Variants in AP3S1 observed in about 807,000 individuals in gnomAD.
AP3S1 encodes AP-3 complex subunit sigma-1.
A neutral mutation model predicts 21.3 loss-of-function variants in AP3S1; 12 were observed. The ratio of observed to expected loss-of-function variants is 0.56; its 90% confidence interval spans 0.36 to 0.91. The LOEUF (loss-of-function observed/expected upper bound fraction) is 0.91, where lower values mean the gene tolerates loss of function less well. Ranked by LOEUF, AP3S1 falls within the 40% of genes least tolerant of loss-of-function variation. The pLI, the probability that AP3S1 is intolerant of heterozygous loss-of-function variation, is 0.01. For missense variants in AP3S1, 116 were observed against 225.0 expected (o/e 0.52, Z 3.10); for synonymous variants, 48 against 78.4 (o/e 0.61, Z 2.05).
At chr5:115,845,270 G>A (rs1353854251) in intron 1 of AP3S1, among the ~76,000 whole-genome samples, 1 of 152,170 alleles carries the variant, frequency 6.6e-6, no homozygotes, top group Non-Finnish European at 1.5e-5. Context: ...AACAGTAATC[G>A]TTTAACACTG....
intron 1 of AP3S1, among the ~76,000 whole-genome samples, chr5:115,848,398 T>C (rs1043540289): frequency 6.6e-6 from 1 of 152,222 alleles, no homozygotes; most frequent in African/African-American, 2.4e-5. Context: ...ACATTGTGGC[T>C]TTAAGATAAC....
At position 115,845,117 on chromosome 5, in the gene AP3S1, T is replaced by A. The variant is rs186739159; in HGVS notation, c.69+3011T>A. ...AAAGTAATGATGGCATATGTGTTAC[T>A]CAGCTGTTTCTGTTTTAAGGGGTCT... On this transcript the variant is annotated intron_variant, in intron 1 of 5. Coordinates refer to ENST00000316788, the MANE Select transcript of AP3S1 (RefSeq NM_001284.4). 2.6e-5 allele frequency among the ~76,000 whole-genome samples: 4 copies of A among 152,330 alleles called. 1 individual carries two copies. In the East Asian group the frequency reaches 7.7e-4, roughly 29 times the overall value.
intron 3 of AP3S1, 60 bp from the exon 4 acceptor site, chr5:115,895,027 A>G (rs1357878385): frequency 2.9e-5 from 34 of 1,160,336 alleles, no homozygotes; most frequent in Non-Finnish European, 2.5e-5. Flanking sequence ...TGCCTTCCTT[A>G]TAGATAATAG....
At chr5:115,884,505 G>A (rs1256082304) in intron 3 of AP3S1, among the ~76,000 whole-genome samples, 1 of 152,190 alleles carries the variant, frequency 6.6e-6, no homozygotes, top group African/African-American at 2.4e-5. Flanking sequence ...GGGGAGGGGA[G>A]TGGAGGTTGC....
chr5:115,898,361 ATAAATCTTTACATGC>A (rs1331060253), intron 4 of AP3S1, among the ~76,000 whole-genome samples: 4 of 152,196 alleles, frequency 2.6e-5, no homozygotes, highest in Non-Finnish European at 5.9e-5. Context: ...GTTTCTTTTT[ATAAATCTTTACATGC>A]TAATAACTGT....
chr5:115,866,883 C>G (rs1763664267), intron 2 of AP3S1, 122 bp downstream of exon 2: 1 of 453,654 alleles, frequency 2.2e-6, no homozygotes, highest in East Asian at 3.7e-5. Flanking sequence ...GAATTAATTG[C>G]CACCTATGTT....
intron 3 of AP3S1, among the ~76,000 whole-genome samples, chr5:115,870,585 A>G (rs574536205): frequency 1.3e-5 from 2 of 152,312 alleles, no homozygotes; most frequent in South Asian, 4.1e-4. Context: ...AACCCTTTGA[A>G]GTAGTGGCCA....
chr5:115,873,728 A>G (rs1319773317), intron 3 of AP3S1, among the ~76,000 whole-genome samples: 1 of 152,092 alleles, frequency 6.6e-6, no homozygotes, highest in African/African-American at 2.4e-5. Context: ...GAGAGAACTG[A>G]TTTTCTTAAT....
intron 1 of AP3S1, among the ~76,000 whole-genome samples, chr5:115,850,291 T>C (rs955592589): frequency 6.6e-6 from 1 of 152,000 alleles, no homozygotes; most frequent in African/African-American, 2.4e-5. Context: ...CGCATACATA[T>C]CCTATTTCCT....
At chr5:115,875,800 G>A (rs1175058569) in intron 3 of AP3S1, among the ~76,000 whole-genome samples, 1 of 152,036 alleles carries the variant, frequency 6.6e-6, no homozygotes, top group African/African-American at 2.4e-5. Flanking sequence ...ATGTATTTTT[G>A]GGCAACCCCC....
chr5:115,912,786 A>G (rs1752205769), intron 5 of AP3S1, among the ~76,000 whole-genome samples: 1 of 152,048 alleles, frequency 6.6e-6, no homozygotes, highest in Admixed American at 6.5e-5. Flanking sequence ...TTTACTTGAA[A>G]GCCTATTTTT....
At chr5:115,869,781 A>G (rs1748063033) in intron 2 of AP3S1, among the ~76,000 whole-genome samples, 1 of 152,228 alleles carries the variant, frequency 6.6e-6, no homozygotes, top group African/African-American at 2.4e-5. Flanking sequence ...TACTCAGAGA[A>G]TAGTTTAATG....
intron 5 of AP3S1, among the ~76,000 whole-genome samples, chr5:115,906,293 G>T (rs1476171519): frequency 6.6e-6 from 1 of 151,934 alleles, no homozygotes; most frequent in Non-Finnish European, 1.5e-5. Context: ...AATCAGTCTG[G>T]GTATAATTGA....
chr5:115,856,625 C>T (rs552567510), intron 1 of AP3S1, among the ~76,000 whole-genome samples: 52 of 144,292 alleles, frequency 3.6e-4, no homozygotes, highest in African/African-American at 1.3e-3. Flanking sequence ...CCACCATGCT[C>T]AACTAAGTTT....
chr5:115,870,439 C>T (rs1474658755), intron 3 of AP3S1, among the ~76,000 whole-genome samples: 7 of 152,164 alleles, frequency 4.6e-5, no homozygotes, highest in Admixed American at 4.6e-4. Flanking sequence ...TCCCTGTCTC[C>T]TGAAAATCTT....
chr5:115,862,865 G>A (rs190062817), intron 1 of AP3S1, among the ~76,000 whole-genome samples: 8 of 152,316 alleles, frequency 5.3e-5, no homozygotes, highest in East Asian at 1.9e-4. Flanking sequence ...ATATCATGAC[G>A]CTACAAGAAA....
chr5:115,878,510 T>C (rs994347253), intron 3 of AP3S1, among the ~76,000 whole-genome samples: 4 of 152,236 alleles, frequency 2.6e-5, no homozygotes, highest in Non-Finnish European at 5.9e-5. Flanking sequence ...TGGTTGTAGA[T>C]GTGTGGCATT....
chr5:115,910,941 T>C (rs1292898503), intron 5 of AP3S1, among the ~76,000 whole-genome samples: 1 of 152,194 alleles, frequency 6.6e-6, no homozygotes, highest in Non-Finnish European at 1.5e-5. Flanking sequence ...ATCCTCCTAA[T>C]TCATTTGCGT....
chr5:115,872,830 A>G (rs1388774062), intron 3 of AP3S1, among the ~76,000 whole-genome samples: 1 of 152,146 alleles, frequency 6.6e-6, no homozygotes, highest in Non-Finnish European at 1.5e-5. Context: ...TAGTTAATTC[A>G]TTTTATCATT....
Sources: allele counts gnomAD v4.1 joint callset (sites outside exome capture counted in the v4.1 genomes callset), GRCh38; gene constraint gnomAD v4.1.1; transcripts MANE v1.5; gene names NCBI Gene and HGNC (gene_info 2026-07-23, HGNC 2026-07-21).